The following CMYA5 variants were observed in gnomAD, a reference collection of about 807,000 sequenced individuals.
CMYA5 encodes the protein cardiomyopathy-associated protein 5.
In CMYA5, 246 loss-of-function variants were observed where a neutral mutation model predicts 318.9. That is an observed-to-expected ratio of 0.77 (90% CI 0.70 to 0.86). The LOEUF (loss-of-function observed/expected upper bound fraction) is 0.86, where lower values mean the gene tolerates loss of function less well. Ranked by LOEUF, CMYA5 falls within the 40% of genes least tolerant of loss-of-function variation. The pLI, the probability that CMYA5 is intolerant of heterozygous loss-of-function variation, is 0.00. For synonymous variants in CMYA5, 1,641 were observed against 1,729.5 expected, an observed-to-expected ratio of 0.95 and a Z score of 1.27; for missense variants, 4,589 against 4,678.2, an observed-to-expected ratio of 0.98 and a Z score of 0.56.
Position 79,799,724 on chromosome 5 carries a change from A to G in CMYA5, c.*108A>G, listed in dbSNP as rs1047052009. ...TTCAAAAAGTCTCCCGCGCATTTGC[A>G]CTAATGATGGCTGCATGCATAGCAA... On this transcript the variant is annotated 3_prime_UTR_variant, in exon 13 of 13. Coordinates refer to ENST00000446378, the MANE Select transcript of CMYA5 (RefSeq NM_153610.5). 7.1e-6 allele frequency: 10 copies of G among 1,401,014 alleles called. No homozygotes were observed. The South Asian group carries it at 1.5e-4, about 21-fold the overall frequency. 86.8% of individuals were successfully genotyped at this position (1,401,014 alleles called of 1,614,324 possible). A position where few individuals can be genotyped will look rare whatever the true frequency, so the allele number is the denominator to read the frequency against.
chr5:79,709,942 C>A (rs185907268), intron 1 of CMYA5, among the ~76,000 whole-genome samples: 1 of 103,170 alleles, frequency 9.7e-6, no homozygotes, highest in African/African-American at 3.9e-5. Flanking sequence ...GCCTGGGTGA[C>A]AGAGTGAGAC....
At position 79,730,321 on chromosome 5, in the gene CMYA5, C is replaced by T; in HGVS notation, c.1556C>T (p.Pro519Leu). Reference protein sequence around the residue: ...IETSLPIAITPEPEDSNLVEE... With the variant: ...IETSLPIAITLEPEDSNLVEE... ...ACTTCCCTACCCATAGCTATTACCC[C>T]TGAACCTGAAGATTCTAATTTAGTA... Residue 519 changes from proline (P) to leucine (L), a missense_variant, in exon 2 of 13, where the codon CCT becomes CTT. By Grantham distance (98) the Pro-to-Leu change is moderately conservative (BLOSUM62 -3). Coordinates refer to ENST00000446378, the MANE Select transcript of CMYA5 (RefSeq NM_153610.5). 1 of 1,613,684 alleles carries T rather than the reference C, an allele frequency of 6.2e-7. No homozygotes were observed. The highest frequency in any genetic ancestry group is 8.5e-7 in the Non-Finnish European group (1 of 1,179,822).
intron 1 of CMYA5, among the ~76,000 whole-genome samples, chr5:79,719,373 A>G (rs536402910): frequency 6.6e-6 from 1 of 152,326 alleles, no homozygotes; most frequent in South Asian, 2.1e-4. Flanking sequence ...AGGTGTGCCT[A>G]GGAAGGTTGA....
At chr5:79,722,888 G>C (rs1224915123) in intron 1 of CMYA5, among the ~76,000 whole-genome samples, 2 of 150,272 alleles carry the variant, frequency 1.3e-5, no homozygotes, top group Non-Finnish European at 3.0e-5. Context: ...TCTTAGAAAA[G>C]TACAAAATAA....
rs140323468 is a variant in CMYA5 at position 79,768,567 on chromosome 5, G to A, written c.11555+5358G>A. 2.1e-3 allele frequency among the ~76,000 whole-genome samples: 323 copies of A among 152,240 alleles called. 4 individuals carry two copies. Among genetic ancestry groups the A allele is most frequent in the African/African-American group, 7.2e-3 (297 of 41,526 alleles). ...TTTGCTTATGAAGCTTAGTTTGGCC[G>A]GATATTAAGTTCTGGGCTGAAAATT... On this transcript the variant is annotated intron_variant, in intron 9 of 12. Coordinates refer to ENST00000446378, the MANE Select transcript of CMYA5 (RefSeq NM_153610.5).
rs1256736285 is a variant in CMYA5, at chr5:79,745,247, G to T, written c.10760G>T (p.Arg3587Met). The T allele has an allele frequency of 6.3e-7, 1 of 1,593,344 alleles. No homozygotes were observed. Among genetic ancestry groups the T allele is most frequent in the Non-Finnish European group, 8.6e-7 (1 of 1,169,042 alleles). ...IEENCSKNEKRLEEQNEEMMK... is the reference protein window; with the variant it reads ...IEENCSKNEKMLEEQNEEMMK... ...GAAAACTGTAGTAAAAATGAGAAAA[G>T]GCTAGAAGAACAGAATGAGGAAATG... The change falls in exon 4 of 13, where the codon AGG becomes ATG. Residue 3587 changes from arginine (R) to methionine (M), a missense_variant. By Grantham distance (91) the Arg-to-Met change is moderately conservative (BLOSUM62 -1). Transcript: ENST00000446378.
intron 1 of CMYA5, among the ~76,000 whole-genome samples, chr5:79,705,590 C>A (rs936044106): frequency 5.3e-5 from 8 of 152,138 alleles, no homozygotes; most frequent in African/African-American, 1.9e-4. Flanking sequence ...CTTCCCACTG[C>A]AAATATTTTA....
intron 1 of CMYA5, among the ~76,000 whole-genome samples, chr5:79,714,431 C>CTTTTTCTTTTTTTTTTTTTTT (rs767402291): frequency 1.2e-4 from 12 of 100,676 alleles, no homozygotes; most frequent in African/African-American, 1.7e-4. Context: ...TTTTCTTTTT[C>CTTTTTCTTTTTTTTTTTTTTT]TTTTTTTTTT....
In CMYA5 at chr5:79,798,335, C is replaced by T. The variant is rs142814161; in HGVS notation, c.11964-1035C>T. Among the ~76,000 whole-genome samples, 220 of 152,252 alleles carry T rather than the reference C, an allele frequency of 1.4e-3. 1 individual carries two copies. In the East Asian group the frequency reaches 0.035, roughly 24 times the overall value. On this transcript the variant is annotated intron_variant, in intron 12 of 12. Transcript: ENST00000446378. ...CTCCCACCCCTCCAGCCTACACATC[C>T]GTCGACCTTTCCCTCATCTCTCTTC...
intron 12 of CMYA5, among the ~76,000 whole-genome samples, chr5:79,793,832 A>T (rs1829225329): frequency 6.6e-6 from 1 of 152,172 alleles, no homozygotes; most frequent in South Asian, 2.1e-4. Context: ...AGGGTTTCTT[A>T]TATTAAACCC....
rs1157123741 is a variant in CMYA5, at chr5:79,729,740, A to T, written c.975A>T (p.Lys325Asn). Residue 325 changes from lysine to asparagine, a missense_variant, in exon 2 of 13, where the codon AAA (lysine) becomes AAT (asparagine). By Grantham distance (94) the Lys-to-Asn change is moderately conservative. Transcript: ENST00000446378. ...TGTTCAGTCATGAAGATCAAAAGAA[A>T]ATTTATGCTGATTCTCCCCTAAATG... Reference protein sequence around the residue: ...TLMFSHEDQKKIYADSPLNAT... With the variant: ...TLMFSHEDQKNIYADSPLNAT... The T allele has an allele frequency of 1.2e-6, 2 of 1,613,898 alleles. No individual in the cohort carries two copies. The highest frequency in any genetic ancestry group is 1.7e-6 in the Non-Finnish European group (2 of 1,179,862).
intron 1 of CMYA5, among the ~76,000 whole-genome samples, chr5:79,691,873 A>C (rs1826976356): frequency 6.6e-6 from 1 of 152,226 alleles, no homozygotes; most frequent in Non-Finnish European, 1.5e-5. Context: ...AATACATGTA[A>C]GATGCACATT....
chr5:79,722,542 C>T (rs985348747), intron 1 of CMYA5, among the ~76,000 whole-genome samples: 21 of 151,692 alleles, frequency 1.4e-4, no homozygotes, highest in African/African-American at 3.1e-4. Flanking sequence ...GCTGGCATGG[C>T]GGCGCATGCC....
chr5:79,747,155 T>G, intron 5 of CMYA5, 42 bp downstream of exon 5: 1 of 1,508,422 alleles, frequency 6.6e-7, no homozygotes, highest in Middle Eastern at 1.7e-4. Context: ...ACAGCATGAC[T>G]GGATGCTTGC....
rs539952978 is a variant in CMYA5, at chr5:79,730,811, C to A, written c.2046C>A (p.Asp682Glu). Residue 682 changes from aspartate (D) to glutamate (E), a missense_variant, in exon 2 of 13, where the codon GAC (aspartate) becomes GAA (glutamate). Physicochemically the swap from Asp to Glu is conservative, Grantham distance 45 (BLOSUM62 2). Coordinates refer to ENST00000446378, the MANE Select transcript of CMYA5 (RefSeq NM_153610.5). ...VTPEYMVLSG[D>E]EASESGCYTP... ...CAGAATACATGGTCCTATCAGGAGA[C>A]GAGGCCTCAGAAAGTGGGTGTTACA... 1 of 1,613,754 alleles carries A rather than the reference C, an allele frequency of 6.2e-7. No individual in the cohort carries two copies. The highest frequency in any genetic ancestry group is 1.1e-5 in the South Asian group (1 of 91,058).
intron 1 of CMYA5, among the ~76,000 whole-genome samples, chr5:79,694,139 T>C (rs568411374): frequency 7.6e-4 from 116 of 152,286 alleles, no homozygotes; most frequent in African/African-American, 2.7e-3. Context: ...TTGCAGATCA[T>C]GTAGGGCTTT....
chr5:79,701,693 ACT>A (rs1467050722), intron 1 of CMYA5, among the ~76,000 whole-genome samples: 1 of 152,140 alleles, frequency 6.6e-6, no homozygotes, highest in Admixed American at 6.5e-5. Flanking sequence ...TTACCATATG[ACT>A]CTGCAGTTCC....
In CMYA5 at chr5:79,736,404, G is replaced by A. The variant is rs1828068647; in HGVS notation, c.7639G>A (p.Val2547Met). ...TGAAGAAAAAGAAAATCAGGTATAT[G>A]TGCTTTCAGAAGGAAAGAAGCAGCA... ...KGEEKENQVY[V>M]LSEGKKQQEH... Residue 2547 changes from valine (V) to methionine (M), a missense_variant, in exon 2 of 13, where the codon GTG becomes ATG. Val to Met is a conservative substitution (Grantham distance 21, BLOSUM62 1). Coordinates refer to ENST00000446378, the MANE Select transcript of CMYA5 (RefSeq NM_153610.5). The A allele has an allele frequency of 1.2e-6, 2 of 1,610,400 alleles. No individual in the cohort carries two copies. The highest frequency in any genetic ancestry group is 1.7e-6 in the Non-Finnish European group (2 of 1,178,096).
At chr5:79,743,780 T>C in intron 2 of CMYA5, 47 bp from the exon 3 acceptor site, 2 of 1,025,142 alleles carry the variant, frequency 2.0e-6, no homozygotes, top group Non-Finnish European at 2.8e-6. Flanking sequence ...GTTGAAGTTC[T>C]CTTCCTAAAT....
Sources: allele counts gnomAD v4.1 joint callset (sites outside exome capture counted in the v4.1 genomes callset), GRCh38; gene constraint gnomAD v4.1.1; transcripts MANE v1.5; gene names NCBI Gene and HGNC (gene_info 2026-07-23, HGNC 2026-07-21).